Variants in PIP4K2A observed in about 807,000 individuals in gnomAD.
PIP4K2A encodes the protein phosphatidylinositol-5-phosphate 4-kinase type 2 alpha.
In PIP4K2A, 14 loss-of-function variants were observed where a neutral mutation model predicts 42.9. That is an observed-to-expected ratio of 0.33 (90% CI 0.22 to 0.51). The LOEUF is 0.51. Ranked by LOEUF, PIP4K2A falls within the 20% of genes least tolerant of loss-of-function variation. PIP4K2A has a pLI of 0.97. For missense variants in PIP4K2A, 434 were observed against 519.8 expected (o/e 0.83, Z 1.61); for synonymous variants, 192 against 192.2 (o/e 1.00, Z 0.01).
chr10:22,546,375 T>A (rs76243882), intron 7 of PIP4K2A, among the ~76,000 whole-genome samples: 3 of 152,136 alleles, frequency 2.0e-5, no homozygotes, highest in Admixed American at 6.5e-5. Context: ...AAGAACCATA[T>A]GGAAAAGCCT....
chr10:22,549,797 C>T (rs7904655), intron 7 of PIP4K2A, among the ~76,000 whole-genome samples: 1,897 of 126,166 alleles, frequency 0.015, 35 homozygotes, highest in African/African-American at 0.053. Flanking sequence ...GCCGAGATCG[C>T]GCCACTGCAC....
intron 1 of PIP4K2A, among the ~76,000 whole-genome samples, chr10:22,621,584 G>A (rs184007884): frequency 1.3e-5 from 2 of 152,326 alleles, no homozygotes; most frequent in African/African-American, 4.8e-5. Context: ...ACCTAAATCT[G>A]GCTAGCCATG....
intron 1 of PIP4K2A, among the ~76,000 whole-genome samples, chr10:22,703,307 G>A (rs919546008): frequency 6.6e-6 from 1 of 152,182 alleles, no homozygotes; most frequent in African/African-American, 2.4e-5. Context: ...TACATAGGAG[G>A]CTGAGGCAGG....
intron 1 of PIP4K2A, among the ~76,000 whole-genome samples, chr10:22,650,481 A>G (rs1838972469): frequency 6.6e-6 from 1 of 151,928 alleles, no homozygotes; most frequent in African/African-American, 2.4e-5. Context: ...TCATAACTAT[A>G]AAATGGAAGA....
At chr10:22,618,296 G>C (rs1189647945) in intron 1 of PIP4K2A, among the ~76,000 whole-genome samples, 2 of 152,328 alleles carry the variant, frequency 1.3e-5, no homozygotes, top group African/African-American at 4.8e-5. Context: ...CTCTGTGGCT[G>C]ATAAAGCACA....
At chr10:22,568,150 T>G (rs1362153513) in intron 5 of PIP4K2A, among the ~76,000 whole-genome samples, 1 of 152,268 alleles carries the variant, frequency 6.6e-6, no homozygotes, top group African/African-American at 2.4e-5. Context: ...CTGTGGTTCT[T>G]GTCCACCTGC....
Position 22,580,529 on chromosome 10 carries a change from C to T in PIP4K2A, c.493-7072G>A, listed in dbSNP as rs1011941414. On this transcript the variant is annotated intron_variant, in intron 4 of 9. Coordinates refer to ENST00000376573, the MANE Select transcript of PIP4K2A (RefSeq NM_005028.5). The stretch of plus-strand genomic sequence containing the variant: ...AAGACAGTGAGAAGAAGAGCATGTA[C>T]TGGGGGTACCACAATGCCATGCTTT... 2.7e-5 allele frequency among the ~76,000 whole-genome samples: 4 copies of T among 150,928 alleles called. 1 individual carries two copies. Among genetic ancestry groups the T allele is most frequent in the South Asian group, 2.1e-4 (1 of 4,836 alleles).
intron 1 of PIP4K2A, among the ~76,000 whole-genome samples, chr10:22,625,158 C>A (rs1838410914): frequency 1.3e-5 from 2 of 152,082 alleles, no homozygotes. Context: ...CTTGTATTTA[C>A]AAATCTTTGT....
chr10:22,579,416 A>G lies in PIP4K2A; in HGVS notation c.493-5959T>C, dbSNP rs559270981. ...ACACTTAAAATTCTCTCAACTTCCC[A>G]AAGTTTGTATGCACTGATAAAGCTG... On this transcript the variant is annotated intron_variant, in intron 4 of 9. Transcript: ENST00000376573. Among the ~76,000 whole-genome samples, 116 of 152,346 alleles carry G rather than the reference A, an allele frequency of 7.6e-4. 2 individuals carry two copies. Among genetic ancestry groups the G allele is most frequent in the African/African-American group, 2.8e-3 (115 of 41,580 alleles).
At chr10:22,619,909 T>C (rs1025733680) in intron 1 of PIP4K2A, among the ~76,000 whole-genome samples, 9 of 152,176 alleles carry the variant, frequency 5.9e-5, no homozygotes, top group African/African-American at 1.9e-4. Context: ...TATTCTGATA[T>C]CAAAGGTGAG....
rs183482375 is a variant in PIP4K2A at position 22,541,287 on chromosome 10, C to T, written c.1036+517G>A. ...GGCCCATCTTCACACACCCTTCACA[C>T]CCCTGAGAGGGAGAGGGCTGTTGGT... is the stretch of plus-strand genomic sequence containing the variant. On this transcript the variant is annotated intron_variant, in intron 8 of 9. Transcript: ENST00000376573. Among the ~76,000 whole-genome samples, 9 of 152,294 alleles carry T rather than the reference C, an allele frequency of 5.9e-5. No homozygotes were observed. In the East Asian group the frequency reaches 1.7e-3, roughly 29 times the overall value.
At chr10:22,633,293 C>T (rs922436141) in intron 1 of PIP4K2A, among the ~76,000 whole-genome samples, 9 of 152,154 alleles carry the variant, frequency 5.9e-5, no homozygotes, top group Non-Finnish European at 1.2e-4. Context: ...AAAAGAAAAA[C>T]CTGCTCAACT....
intron 4 of PIP4K2A, among the ~76,000 whole-genome samples, chr10:22,582,713 G>A (rs1837306551): frequency 1.3e-5 from 2 of 151,898 alleles, no homozygotes; most frequent in African/African-American, 4.8e-5. Flanking sequence ...AGGAAGGGAA[G>A]GAAAAGGAAG....
intron 1 of PIP4K2A, among the ~76,000 whole-genome samples, chr10:22,629,194 T>C (rs1245021147): frequency 5.3e-5 from 8 of 152,258 alleles, no homozygotes; most frequent in Admixed American, 5.2e-4. Flanking sequence ...CAAACACTTT[T>C]AAATTCACTG....
chr10:22,538,970 T>C (rs923587138), intron 9 of PIP4K2A, among the ~76,000 whole-genome samples: 1 of 152,156 alleles, frequency 6.6e-6, no homozygotes, highest in Non-Finnish European at 1.5e-5. Context: ...TGGTGAATCT[T>C]CATTAGTTCT....
At position 22,537,097 on chromosome 10, in the gene PIP4K2A, T is replaced by C; in HGVS notation, c.*104A>G. 1 of 830,186 alleles carries C rather than the reference T, an allele frequency of 1.2e-6. No individual in the cohort carries two copies. Among genetic ancestry groups the C allele is most frequent in the Non-Finnish European group, 1.9e-6 (1 of 513,138 alleles). 51.4% of individuals were successfully genotyped at this position (830,186 alleles called of 1,614,324 possible). On this transcript the variant is annotated 3_prime_UTR_variant, in exon 10 of 10. Coordinates refer to ENST00000376573, the MANE Select transcript of PIP4K2A (RefSeq NM_005028.5). ...TGAAGATGTAAACAAGGAGGTTTGC[T>C]TCCTGCAAGATGAGTACTTCACTGA...
intron 1 of PIP4K2A, among the ~76,000 whole-genome samples, chr10:22,701,362 G>C (rs1833712486): frequency 6.6e-6 from 1 of 152,160 alleles, no homozygotes; most frequent in Non-Finnish European, 1.5e-5. Context: ...TTGTCTGCTT[G>C]TTTACAGCAG....
intron 3 of PIP4K2A, among the ~76,000 whole-genome samples, chr10:22,605,333 G>A (rs1014060073): frequency 2.0e-5 from 3 of 152,136 alleles, no homozygotes; most frequent in African/African-American, 4.8e-5. Flanking sequence ...AGAGTTTAAC[G>A]GACTTGCCAA....
chr10:22,559,480 C>G (rs1233514870), intron 6 of PIP4K2A, among the ~76,000 whole-genome samples: 1 of 152,166 alleles, frequency 6.6e-6, no homozygotes, highest in African/African-American at 2.4e-5. Flanking sequence ...ATGCTGTCAT[C>G]TGAGTGAAAA....
Sources: gnomAD v4.1 joint callset for allele counts (sites outside exome capture counted in the v4.1 genomes callset) on GRCh38, gnomAD v4.1.1 for gene constraint, MANE v1.5 for transcripts, NCBI Gene and HGNC (gene_info 2026-07-23, HGNC 2026-07-21) for gene names.